Variants in TECR observed in about 807,000 individuals in gnomAD.
TECR encodes trans-2,3-enoyl-CoA reductase.
Under a neutral mutation model 50.6 loss-of-function variants are expected in TECR, and 19 were observed. The ratio of observed to expected loss-of-function variants is 0.38; its 90% CI spans 0.26 to 0.55. The LOEUF (loss-of-function observed/expected upper bound fraction) is 0.55, where lower values mean the gene tolerates loss of function less well. Among genes scored for constraint, TECR ranks in the 20% least tolerant of loss-of-function variants. The pLI is 0.79. For missense variants in TECR, 313 were observed against 408.3 expected, an observed-to-expected ratio of 0.77 and a Z score of 2.01; for synonymous variants, 168 against 163.5, an observed-to-expected ratio of 1.03 and a Z score of -0.21.
chr19:14,537,328 G>C (rs1369240769), intron 1 of TECR, among the ~76,000 whole-genome samples: 1 of 151,740 alleles, frequency 6.6e-6, no homozygotes, highest in East Asian at 1.9e-4. Flanking sequence ...AAGGTGGGAC[G>C]GGATGAGTGG....
intron 1 of TECR, chr19:14,545,059 T>C: frequency 2.2e-6 from 1 of 456,562 alleles, no homozygotes; most frequent in Non-Finnish European, 4.4e-6. Flanking sequence ...TTTCTAAGCC[T>C]CTCACCACTG....
At position 14,529,623 on chromosome 19, in the gene TECR, T is replaced by C. The variant is rs561305115; in HGVS notation, c.-74T>C. ...AGTCTATCGCTGCGGTTGCGAGCGC[T>C]GTAGGGAGCCTGTGCTGTGCCGCGC... is the stretch of plus-strand genomic sequence containing the variant. On this transcript the variant is annotated 5_prime_UTR_variant, in exon 1 of 13. Coordinates refer to ENST00000215567, the MANE Select transcript of TECR (RefSeq NM_138501.6). 2,832 of 1,610,568 alleles carry C rather than the reference T, an allele frequency of 1.8e-3. 59 individuals carry two copies. The South Asian group carries it at 0.029, about 16-fold the overall frequency.
intron 1 of TECR, among the ~76,000 whole-genome samples, chr19:14,546,695 C>CT (rs893735808): frequency 1.3e-5 from 2 of 152,020 alleles, no homozygotes; most frequent in Admixed American, 6.6e-5. Context: ...TTTTTCTTTT[C>CT]TTTTTTTAAG....
chr19:14,564,346 C>T, intron 7 of TECR, 59 bp downstream of exon 7: 10 of 1,365,630 alleles, frequency 7.3e-6, no homozygotes, highest in Non-Finnish European at 1.0e-5. Context: ...CCCCGCCCCG[C>T]CCCCACCGAG....
intron 1 of TECR, among the ~76,000 whole-genome samples, chr19:14,554,181 C>T (rs954093483): frequency 1.3e-5 from 2 of 152,150 alleles, no homozygotes; most frequent in South Asian, 2.1e-4. Flanking sequence ...ATCTGTGAAA[C>T]GGAGCTAATG....
In TECR at chr19:14,538,823, G is replaced by A. The variant is rs1045545841; in HGVS notation, c.15+9112G>A. On this transcript the variant is annotated intron_variant, in intron 1 of 12. Transcript: ENST00000215567. ...TGGGATTATAGGCATGAGCCACCAC[G>A]CCTGGCTGAGAAAAGCTTCAAAACT... is the stretch of plus-strand genomic sequence containing the variant. Among the ~76,000 whole-genome samples, 10 of 151,380 alleles carry A rather than the reference G, an allele frequency of 6.6e-5. No individual in the cohort carries two copies. The East Asian group carries it at 1.6e-3, about 24-fold the overall frequency.
At chr19:14,558,797 C>T (rs1033477000) in intron 1 of TECR, among the ~76,000 whole-genome samples, 1 of 152,112 alleles carries the variant, frequency 6.6e-6, no homozygotes, top group African/African-American at 2.4e-5. Context: ...TGGGCTTCCT[C>T]AGAAGGTCCT....
Position 14,561,799 on chromosome 19 carries a change from G to A in TECR, c.16-726G>A, listed in dbSNP as rs186862208. On this transcript the variant is annotated intron_variant, in intron 1 of 12. Transcript: ENST00000215567. The stretch of plus-strand genomic sequence containing the variant: ...CCTCCCTGGTAACACAAATGCACAA[G>A]GAAAATAATCCAAAGTGTCTCTTAC... Among the ~76,000 whole-genome samples the A allele has an allele frequency of 6.4e-3, 973 of 152,312 alleles. 7 individuals carry two copies. Among genetic ancestry groups the A allele is most frequent in the Non-Finnish European group, 0.01 (699 of 68,024 alleles).
intron 1 of TECR, among the ~76,000 whole-genome samples, chr19:14,539,135 G>A (rs2073007853): frequency 7.3e-6 from 1 of 136,720 alleles, no homozygotes; most frequent in Non-Finnish European, 1.5e-5. Flanking sequence ...CACCACGCCC[G>A]GCTAATTTTT....
In TECR at chr19:14,564,287, G is replaced by A. The variant is rs767614261; in HGVS notation, c.489G>A (p.Lys163=). Residue 163 remains lysine (K), a splice_region_variant and synonymous_variant, in exon 7 of 13, where the codon AAG becomes AAA. Coordinates refer to ENST00000215567, the MANE Select transcript of TECR (RefSeq NM_138501.6). ...HGTMPLRNIF[K]NCTYYWGFAA... is the part of the protein sequence containing the mutation. ...CTATGCCTTTGCGCAACATCTTCAAGGTGAGAGCCCGTCCCCGCCTCACCC... is the reference window on the plus strand; with the variant it reads ...CTATGCCTTTGCGCAACATCTTCAAAGTGAGAGCCCGTCCCCGCCTCACCC... 84 of 1,602,424 alleles carry A rather than the reference G, an allele frequency of 5.2e-5. No individual in the cohort carries two copies. The highest frequency in any genetic ancestry group is 5.5e-5 in the Non-Finnish European group (65 of 1,179,126).
At chr19:14,539,981 G>C (rs1319619380) in intron 1 of TECR, among the ~76,000 whole-genome samples, 1 of 151,646 alleles carries the variant, frequency 6.6e-6, no homozygotes, top group Non-Finnish European at 1.5e-5. Flanking sequence ...CCGGGTTCAA[G>C]TGATTCTCCT....
chr19:14,542,347 G>GGGTTTTTTTT lies in TECR; in HGVS notation c.15+12636_15+12637insGGTTTTTTTT, dbSNP rs2073124658. On this transcript the variant is annotated intron_variant, in intron 1 of 12. Coordinates refer to ENST00000215567, the MANE Select transcript of TECR (RefSeq NM_138501.6). Reference sequence around the variant, plus strand: ...CCTCAGGGGGCCCTCATGCCATAGTGTTTTTTTTTTTTTTTTTTTTTTTTT... The same window carrying GGGTTTTTTTT: ...CCTCAGGGGGCCCTCATGCCATAGTGGGTTTTTTTTTTTTTTTTTTTTTTTTTTTTTTTTT... Among the ~76,000 whole-genome samples, 93 of 43,296 alleles carry GGGTTTTTTTT rather than the reference G, an allele frequency of 2.1e-3. 1 individual carries two copies. The highest frequency in any genetic ancestry group is 7.1e-3 in the African/African-American group (88 of 12,320). 28.4% of individuals were successfully genotyped at this position (43,296 alleles called of 152,430 possible).
chr19:14,565,502 G>A (rs1465751975), intron 11 of TECR, 116 bp from the exon 12 acceptor site: 24 of 1,489,148 alleles, frequency 1.6e-5, no homozygotes, highest in Non-Finnish European at 2.1e-5. Context: ...GCTGGAATTG[G>A]GTTCCCATCC....
At position 14,552,329 on chromosome 19, in the gene TECR, C is replaced by T. The variant is rs556647694; in HGVS notation, c.16-10196C>T. 7.2e-5 allele frequency among the ~76,000 whole-genome samples: 11 copies of T among 151,790 alleles called. No individual in the cohort carries two copies. In the South Asian group the frequency reaches 8.5e-4, roughly 12 times the overall value. On this transcript the variant is annotated intron_variant, in intron 1 of 12. Transcript: ENST00000215567. ...GATTATAGGCGTGAGCCACCGTGCC[C>T]GGCCTGCCTTTTCCTTTCTCTGTTG... is the stretch of plus-strand genomic sequence containing the variant.
At chr19:14,548,641 G>C (rs905831222) in intron 1 of TECR, among the ~76,000 whole-genome samples, 2 of 151,962 alleles carry the variant, frequency 1.3e-5, no homozygotes, top group African/African-American at 4.8e-5. Context: ...GCGGTGGTGC[G>C]ATCTCGACTC....
intron 1 of TECR, among the ~76,000 whole-genome samples, chr19:14,541,853 G>A (rs1042185067): frequency 1.3e-5 from 2 of 151,532 alleles, no homozygotes; most frequent in African/African-American, 4.9e-5. Flanking sequence ...CACAATCTTG[G>A]GTCACTGCAA....
At chr19:14,529,827 C>G in intron 1 of TECR, 116 bp downstream of exon 1, 2 of 1,474,112 alleles carry the variant, frequency 1.4e-6, no homozygotes, top group Non-Finnish European at 1.9e-6. Flanking sequence ...AGCCAGACGG[C>G]GCAGGCGCAG....
At chr19:14,542,609 G>T (rs1225256659) in intron 1 of TECR, among the ~76,000 whole-genome samples, 2 of 152,004 alleles carry the variant, frequency 1.3e-5, no homozygotes, top group African/African-American at 2.4e-5. Context: ...TGATCTACAC[G>T]CTTTGGCCTC....
At chr19:14,543,411 ATATATATATTTTTTTTTTTTTTT>A (rs1380870674) in intron 1 of TECR, among the ~76,000 whole-genome samples, 4 of 9,114 alleles carry the variant, frequency 4.4e-4, no homozygotes, top group African/African-American at 1.4e-3. Flanking sequence ...ATATATATAT[ATATATATATTTTTTTTTTTTTTT>A]TTTTTTTTTT....
Sources: allele counts gnomAD v4.1 joint callset (sites outside exome capture counted in the v4.1 genomes callset), GRCh38; gene constraint gnomAD v4.1.1; transcripts MANE v1.5; gene names NCBI Gene and HGNC (gene_info 2026-07-23, HGNC 2026-07-21).